The following COL28A1 variants were observed in gnomAD, a reference collection of about 807,000 sequenced individuals.
COL28A1 encodes collagen alpha-1(XXVIII) chain.
Under a neutral mutation model 150.2 loss-of-function variants are expected in COL28A1, and 161 were observed. The ratio of observed to expected loss-of-function variants is 1.07; its 90% CI spans 0.94 to 1.22. The LOEUF is 1.22. COL28A1 is among the 50% of genes most tolerant of loss of function. The probability of loss-of-function intolerance (pLI) is 0.00; values close to 1 mark genes in which losing one functional copy is unlikely to be tolerated. For missense variants in COL28A1, 1,617 were observed against 1,388.3 expected (o/e 1.16, Z -2.62); for synonymous variants, 552 against 469.7 (o/e 1.18, Z -2.26).
intron 25 of COL28A1, among the ~76,000 whole-genome samples, chr7:7,430,551 A>G (rs1375177032): frequency 6.6e-6 from 1 of 152,224 alleles, no homozygotes; most frequent in Non-Finnish European, 1.5e-5. Flanking sequence ...AAAATTCATA[A>G]TAATCTACTC....
intron 15 of COL28A1, among the ~76,000 whole-genome samples, chr7:7,461,280 T>C (rs559358428): frequency 5.3e-5 from 8 of 152,256 alleles, no homozygotes; most frequent in Admixed American, 3.9e-4. Context: ...CTCACATCAC[T>C]GGGGTCCTTG....
At chr7:7,452,440 C>T (rs939660065) in intron 17 of COL28A1, 53 bp from the exon 18 acceptor site, 5 of 1,555,738 alleles carry the variant, frequency 3.2e-6, no homozygotes, top group Non-Finnish European at 4.3e-6. Flanking sequence ...TATATTCCTG[C>T]TGTTGATCTC....
At chr7:7,342,568 T>G in the COL28A1 span, among the ~76,000 whole-genome samples, 1 of 152,036 alleles carries the variant, frequency 6.6e-6, no homozygotes, top group Non-Finnish European at 1.5e-5. Context: ...TTTTTCCATC[T>G]ACTAGATTTG....
Position 7,506,060 on chromosome 7 carries a change from G to A in COL28A1, c.980C>T (p.Thr327Ile). 3 of 1,399,140 alleles carry A rather than the reference G, an allele frequency of 2.1e-6. No individual in the cohort carries two copies. The highest frequency in any genetic ancestry group is 3.0e-6 in the Non-Finnish European group (3 of 984,116). The allele number at this position is 1,399,140 out of a possible 1,614,324, so 86.7% of individuals were successfully genotyped here. ...TGGGCCTGGGTCTCCTGGAGGTCCA[G>A]TAATTCCCTGCTCCAGGATGAAAAC... ...PKGPRGIQGI[T>I]GPPGDPGPKG... The change falls in exon 11 of 35, where the codon ACT (threonine) becomes ATT (isoleucine). Residue 327 changes from threonine (T) to isoleucine (I), a missense_variant. Transcript: ENST00000399429.
At chr7:7,411,975 A>C (rs1185630963) in intron 27 of COL28A1, among the ~76,000 whole-genome samples, 1 of 152,082 alleles carries the variant, frequency 6.6e-6, no homozygotes, top group African/African-American at 2.4e-5. Flanking sequence ...AGCAAAAAAT[A>C]ACTTAAAATT....
At chr7:7,398,099 G>T (rs1322429087) in intron 27 of COL28A1, among the ~76,000 whole-genome samples, 1 of 152,100 alleles carries the variant, frequency 6.6e-6, no homozygotes, top group Non-Finnish European at 1.5e-5. Context: ...ATAATAAATA[G>T]CTGAACACAG....
intron 27 of COL28A1, among the ~76,000 whole-genome samples, chr7:7,385,081 T>TG (rs1346074242): frequency 6.6e-6 from 1 of 152,248 alleles, no homozygotes; most frequent in Admixed American, 6.5e-5. Context: ...TGCAGGCAGC[T>TG]ACCTGCCTGA....
intron 32 of COL28A1, among the ~76,000 whole-genome samples, chr7:7,372,390 T>C (rs923101926): frequency 3.5e-5 from 5 of 141,114 alleles, no homozygotes; most frequent in African/African-American, 1.3e-4. Context: ...AGAGTGAGAC[T>C]CCGTCTCAAA....
intron 27 of COL28A1, among the ~76,000 whole-genome samples, chr7:7,384,624 T>C (rs1237640186): frequency 6.6e-6 from 1 of 152,134 alleles, no homozygotes; most frequent in African/African-American, 2.4e-5. Flanking sequence ...AGAAAAAACA[T>C]AGCATATTTA....
At chr7:7,383,288 G>GTGTGTT (rs1554262225) in intron 27 of COL28A1, among the ~76,000 whole-genome samples, 17 of 94,626 alleles carry the variant, frequency 1.8e-4, no homozygotes, top group African/African-American at 4.9e-4. Flanking sequence ...GTGTGTGTGT[G>GTGTGTT]TTTTTTTTGA....
intron 27 of COL28A1, among the ~76,000 whole-genome samples, chr7:7,400,371 C>G (rs890043955): frequency 6.6e-6 from 1 of 152,084 alleles, no homozygotes. Context: ...GAAGCAGAGT[C>G]AGACAGAAAA....
At chr7:7,400,975 G>GGGGGGTGT (rs1160269291) in intron 27 of COL28A1, among the ~76,000 whole-genome samples, 27 of 119,074 alleles carry the variant, frequency 2.3e-4, no homozygotes, top group Admixed American at 3.5e-4. Context: ...TGGGTATTTG[G>GGGGGGTGT]GTGTGTGTGT....
intron 27 of COL28A1, among the ~76,000 whole-genome samples, chr7:7,407,489 A>G (rs1249705889): frequency 6.6e-6 from 1 of 152,160 alleles, no homozygotes; most frequent in Non-Finnish European, 1.5e-5. Flanking sequence ...AGACTGACAG[A>G]TAACTTCTCG....
At chr7:7,390,345 C>G (rs1310327764) in intron 27 of COL28A1, among the ~76,000 whole-genome samples, 1 of 152,146 alleles carries the variant, frequency 6.6e-6, no homozygotes, top group Non-Finnish European at 1.5e-5. Flanking sequence ...ATGAAGCCAA[C>G]TTGATCGTGG....
chr7:7,540,524 G>A (rs1256425517), upstream of COL28A1, among the ~76,000 whole-genome samples: 1 of 152,148 alleles, frequency 6.6e-6, no homozygotes, highest in Non-Finnish European at 1.5e-5. Flanking sequence ...CCACCCAAAG[G>A]TCAAATCATT....
rs1337377206 is a variant in COL28A1 at position 7,531,767 on chromosome 7, C to T, written c.262G>A (p.Glu88Lys). The T allele has an allele frequency of 3.1e-6, 5 of 1,609,258 alleles. No homozygotes were observed. The highest frequency in any genetic ancestry group is 1.6e-4 in the Middle Eastern group (1 of 6,080). Residue 88 changes from glutamate (E) to lysine (K), a missense_variant, in exon 3 of 35, where the codon GAA (glutamate) becomes AAA (lysine). Glu to Lys is a moderately conservative substitution (Grantham distance 56). Coordinates refer to ENST00000399429, the MANE Select transcript of COL28A1 (RefSeq NM_001037763.3). ...IFQLTPGRSLEYDIKLAALQF... is the reference protein window; with the variant it reads ...IFQLTPGRSLKYDIKLAALQF... ...AGGGCTGCCAGTTTGATGTCATATT[C>T]CAAGGAGCGACCAGGAGTCAATTGG...
the COL28A1 span, among the ~76,000 whole-genome samples, chr7:7,350,154 A>G: frequency 6.6e-6 from 1 of 152,116 alleles, no homozygotes; most frequent in Non-Finnish European, 1.5e-5. Flanking sequence ...GGAGAAGAGG[A>G]GGCCAATTTG....
chr7:7,426,836 G>C (rs770377391), intron 25 of COL28A1, among the ~76,000 whole-genome samples: 1 of 152,178 alleles, frequency 6.6e-6, no homozygotes, highest in Non-Finnish European at 1.5e-5. Context: ...TGGAGAGCAA[G>C]AGTCTTTCTT....
At chr7:7,391,067 T>C (rs1446314693) in intron 27 of COL28A1, among the ~76,000 whole-genome samples, 1 of 152,204 alleles carries the variant, frequency 6.6e-6, no homozygotes, top group Non-Finnish European at 1.5e-5. Flanking sequence ...AGTTGCGATG[T>C]TAGGGTGTCG....
Sources: allele counts gnomAD v4.1 joint callset (sites outside exome capture counted in the v4.1 genomes callset), GRCh38; gene constraint gnomAD v4.1.1; transcripts MANE v1.5; gene names NCBI Gene and HGNC (gene_info 2026-07-23, HGNC 2026-07-21).